PDE3A: variants seen among roughly 807,000 people sequenced by gnomAD.
PDE3A encodes phosphodiesterase 3A.
In PDE3A, 43 loss-of-function variants were observed where a neutral mutation model predicts 98.3. The observed-to-expected ratio is 0.44, with a 90% CI of 0.34 to 0.56. The LOEUF is 0.56. Among genes scored for constraint, PDE3A ranks in the 20% least tolerant of loss-of-function variants. The pLI is 0.01. For synonymous variants in PDE3A, 663 were observed against 567.9 expected, an observed-to-expected ratio of 1.17 and a Z score of -2.38; for missense variants, 1,427 against 1,440.7, an observed-to-expected ratio of 0.99 and a Z score of 0.15.
chr12:20,660,215 G>C (rs1051324937), intron 15 of PDE3A, among the ~76,000 whole-genome samples: 2 of 152,198 alleles, frequency 1.3e-5, no homozygotes, highest in African/African-American at 4.8e-5. Context: ...AAGGATGTTT[G>C]CTTCCCCTTC....
intron 2 of PDE3A, among the ~76,000 whole-genome samples, chr12:20,558,903 T>C (rs755223982): frequency 6.6e-6 from 1 of 152,226 alleles, no homozygotes; most frequent in Non-Finnish European, 1.5e-5. Flanking sequence ...AATTTAGAAC[T>C]GGTTTCTAAG....
intron 2 of PDE3A, among the ~76,000 whole-genome samples, chr12:20,577,517 G>GTGTT (rs1311926647): frequency 1.3e-5 from 2 of 152,134 alleles, no homozygotes; most frequent in African/African-American, 4.8e-5. Flanking sequence ...AGTTTAATGT[G>GTGTT]TGTTTTTGTA....
At chr12:20,380,111 C>T (rs942632810) in intron 1 of PDE3A, among the ~76,000 whole-genome samples, 3 of 151,864 alleles carry the variant, frequency 2.0e-5, no homozygotes, top group African/African-American at 7.2e-5. Context: ...TCAGCTATCA[C>T]CTTTTTTATA....
At chr12:20,528,011 T>C (rs1191066865) in intron 1 of PDE3A, among the ~76,000 whole-genome samples, 1 of 152,074 alleles carries the variant, frequency 6.6e-6, no homozygotes, top group African/African-American at 2.4e-5. Flanking sequence ...GAGACTCAGA[T>C]TGAAAGTGAG....
At position 20,380,772 on chromosome 12, in the gene PDE3A, A is replaced by G. The variant is rs1324776114; in HGVS notation, c.960+10528A>G. On this transcript the variant is annotated intron_variant, in intron 1 of 15. Coordinates refer to ENST00000359062, the MANE Select transcript of PDE3A (RefSeq NM_000921.5). ...AGTTTGAGAGTTTTTTGAATATACTACTTAAAAAAATCTCCATATGGTTTT... is the reference window on the plus strand; with the variant it reads ...AGTTTGAGAGTTTTTTGAATATACTGCTTAAAAAAATCTCCATATGGTTTT... 2.6e-5 allele frequency among the ~76,000 whole-genome samples: 4 copies of G among 151,858 alleles called. No homozygotes were observed. In the East Asian group the frequency reaches 7.7e-4, roughly 29 times the overall value.
chr12:20,379,865 C>G (rs927055104), intron 1 of PDE3A, among the ~76,000 whole-genome samples: 1 of 151,384 alleles, frequency 6.6e-6, no homozygotes, highest in Non-Finnish European at 1.5e-5. Flanking sequence ...GTAGGAAATC[C>G]CATGTTCAGC....
In PDE3A at chr12:20,552,107, C is replaced by A. The variant is rs1000553756; in HGVS notation, c.961-4553C>A. The A allele has an allele frequency of 2.5e-6, 4 of 1,613,134 alleles. No homozygotes were observed. In the Admixed American group the frequency reaches 6.7e-5, roughly 27 times the overall value. ...GAGCTTTCCGGCAACAAGAGGACCG[C>A]GGAACAGTCTTGTGATCAGAAACTC... is the stretch of plus-strand genomic sequence containing the variant. On this transcript the variant is annotated intron_variant, in intron 1 of 15. Transcript: ENST00000359062. This position sits in a 1 kb window ranked among gnomAD's most constrained non-coding sequence, Gnocchi z 5.1.
rs1944788570 is a variant in PDE3A at position 20,646,887 on chromosome 12, C to T, written c.2502C>T (p.Ala834=). The part of the protein sequence containing the change: ...LELMALYVAA[A]MHDYDHPGRT... ...TGATGGCGCTGTATGTGGCTGCAGCCATGCACGATTATGATCATCCAGGAA... is the reference window on the plus strand; with the variant it reads ...TGATGGCGCTGTATGTGGCTGCAGCTATGCACGATTATGATCATCCAGGAA... Residue 834 remains alanine (A), a synonymous_variant, in exon 12 of 16, where the codon GCC becomes GCT. Coordinates refer to ENST00000359062, the MANE Select transcript of PDE3A (RefSeq NM_000921.5). 1 of 1,613,824 alleles carries T rather than the reference C, an allele frequency of 6.2e-7. No individual in the cohort carries two copies. Among genetic ancestry groups the T allele is most frequent in the African/African-American group, 1.3e-5 (1 of 74,916 alleles).
intron 2 of PDE3A, among the ~76,000 whole-genome samples, chr12:20,562,219 C>CTTT (rs138632511): frequency 2.6e-5 from 3 of 114,186 alleles, no homozygotes; most frequent in Non-Finnish European, 5.4e-5. Flanking sequence ...AGAAAATATG[C>CTTT]TTTTTTTTTT....
At chr12:20,483,720 AAATTC>A (rs1945673274) in intron 1 of PDE3A, among the ~76,000 whole-genome samples, 1 of 152,200 alleles carries the variant, frequency 6.6e-6, no homozygotes, top group Non-Finnish European at 1.5e-5. Flanking sequence ...GTATAGATTA[AAATTC>A]AATCTTTTTT....
At chr12:20,590,239 T>C (rs1943304100) in intron 2 of PDE3A, among the ~76,000 whole-genome samples, 1 of 151,898 alleles carries the variant, frequency 6.6e-6, no homozygotes, top group African/African-American at 2.4e-5. Context: ...TTTCTCTTTC[T>C]GATTCGGCTT....
intron 8 of PDE3A, 112 bp from the exon 9 acceptor site, chr12:20,636,988 T>A: frequency 3.1e-6 from 2 of 654,546 alleles, no homozygotes; most frequent in South Asian, 5.7e-5. Flanking sequence ...CACCTTGGAG[T>A]TTTAAGTCAT....
intron 1 of PDE3A, among the ~76,000 whole-genome samples, chr12:20,499,652 G>A (rs1446434398): frequency 2.6e-5 from 4 of 151,902 alleles, no homozygotes; most frequent in African/African-American, 4.8e-5. Flanking sequence ...TCTCCACCCC[G>A]ATTCTGCTAC....
At position 20,684,124 on chromosome 12, in the gene PDE3A, G is replaced by GA. The variant is rs1945882361; in HGVS notation, c.*3853_*3854insA. 6.6e-6 allele frequency: 1 copy of GA among 152,078 alleles called. No homozygotes were observed. Among genetic ancestry groups the GA allele is most frequent in the South Asian group, 2.1e-4 (1 of 4,822 alleles). The allele number at this position is 152,078 out of a possible 1,614,324, so 9.4% of individuals were successfully genotyped here. The stretch of plus-strand genomic sequence containing the variant: ...ATTAATTTATAAAAGTGAACTAATT[G>GA]TGTGATTATCAAATCCTGATTAATG... On this transcript the variant is annotated 3_prime_UTR_variant, in exon 16 of 16. Transcript: ENST00000359062.
intron 1 of PDE3A, among the ~76,000 whole-genome samples, chr12:20,384,614 G>A (rs1204502585): frequency 6.6e-6 from 1 of 151,866 alleles, no homozygotes; most frequent in Non-Finnish European, 1.5e-5. Flanking sequence ...GTGCTTTGCT[G>A]CATCTATCAA....
At chr12:20,472,637 A>G (rs981013590) in intron 1 of PDE3A, among the ~76,000 whole-genome samples, 2 of 152,188 alleles carry the variant, frequency 1.3e-5, no homozygotes, top group African/African-American at 2.4e-5. Flanking sequence ...TCAGAAAAAA[A>G]CAGTAAGTAG....
chr12:20,616,331 A>G lies in PDE3A; in HGVS notation c.1371A>G (p.Pro457=). ...GTCTACCCACCTTGGAGCCTGCACCAGTACGGAGAGACCGCAGCACCAGCA... is the reference window on the plus strand; with the variant it reads ...GTCTACCCACCTTGGAGCCTGCACCGGTACGGAGAGACCGCAGCACCAGCA... ...ATGLPTLEPA[P]VRRDRSTSIK... The change falls in exon 4 of 16, where the codon CCA becomes CCG. Residue 457 remains proline (P), a synonymous_variant. Transcript: ENST00000359062. 6.2e-7 allele frequency: 1 copy of G among 1,614,044 alleles called. No homozygotes were observed. The highest frequency in any genetic ancestry group is 8.5e-7 in the Non-Finnish European group (1 of 1,179,938).
intron 1 of PDE3A, chr12:20,551,959 C>T (rs912785068): frequency 1.4e-5 from 22 of 1,612,798 alleles, no homozygotes; most frequent in Non-Finnish European, 1.8e-5. Flanking sequence ...TGTCCATCGG[C>T]CCCACGTGGC....
chr12:20,675,011 C>T (rs1409039406), intron 15 of PDE3A, among the ~76,000 whole-genome samples: 1 of 151,660 alleles, frequency 6.6e-6, no homozygotes, highest in Admixed American at 6.6e-5. Flanking sequence ...TTCTCAAGTT[C>T]CTTGAGGTGC....
Sources: gnomAD v4.1 joint callset for allele counts (sites outside exome capture counted in the v4.1 genomes callset) on GRCh38, gnomAD v4.1.1 for gene constraint, Gnocchi (gnomAD v3.1) non-coding constraint, MANE v1.5 for transcripts, NCBI Gene and HGNC (gene_info 2026-07-23, HGNC 2026-07-21) for gene names.